Variants in MLIP observed in about 807,000 individuals in gnomAD.
MLIP encodes muscular LMNA-interacting protein.
Under a neutral mutation model 84.8 loss-of-function variants are expected in MLIP, and 79 were observed. The ratio of observed to expected loss-of-function variants is 0.93; its 90% CI spans 0.78 to 1.12. The LOEUF (loss-of-function observed/expected upper bound fraction) is 1.12. MLIP is among the 50% of genes most tolerant of loss of function. The pLI, the probability that MLIP is intolerant of heterozygous loss-of-function variation, is 0.00. For synonymous variants in MLIP, 504 were observed against 463.0 expected, an observed-to-expected ratio of 1.09 and a Z score of -1.14; for missense variants, 1,257 against 1,160.6, an observed-to-expected ratio of 1.08 and a Z score of -1.21.
intron 4 of MLIP, among the ~76,000 whole-genome samples, chr6:54,140,220 A>G (rs1332631913): frequency 6.6e-6 from 1 of 152,106 alleles, no homozygotes; most frequent in African/African-American, 2.4e-5. Flanking sequence ...AAGCTTTTTC[A>G]AAGCATTTCT....
intron 13 of MLIP, among the ~76,000 whole-genome samples, chr6:54,261,241 C>T (rs925597531): frequency 3.3e-5 from 5 of 152,064 alleles, no homozygotes; most frequent in South Asian, 4.1e-4. Flanking sequence ...AACTACTTCT[C>T]CTTCTGCAGA....
At chr6:54,123,216 T>C (rs1022704559) in intron 2 of MLIP, among the ~76,000 whole-genome samples, 78 of 152,282 alleles carry the variant, frequency 5.1e-4, no homozygotes, top group African/African-American at 1.8e-3. Flanking sequence ...ATTACAGGCT[T>C]GAGCCACCGC....
intron 1 of MLIP, among the ~76,000 whole-genome samples, chr6:54,033,156 T>C (rs1256793016): frequency 6.6e-6 from 1 of 152,096 alleles, no homozygotes; most frequent in Non-Finnish European, 1.5e-5. Context: ...ATGATATAGA[T>C]AATAGGCAGA....
At chr6:54,215,216 C>G (rs1249612127) in intron 11 of MLIP, 2 of 1,533,130 alleles carry the variant, frequency 1.3e-6, no homozygotes, top group Non-Finnish European at 1.7e-6. Flanking sequence ...TTGAGGAACC[C>G]TATCCTTGTG....
chr6:54,211,689 T>A (rs1398383270), intron 11 of MLIP, among the ~76,000 whole-genome samples: 3 of 152,148 alleles, frequency 2.0e-5, no homozygotes, highest in Non-Finnish European at 4.4e-5. Flanking sequence ...ACTGAGAAAG[T>A]GGGATGCTAC....
intron 1 of MLIP, chr6:54,028,914 G>C (rs1398562900): frequency 6.6e-6 from 1 of 152,160 alleles, no homozygotes; most frequent in Non-Finnish European, 1.5e-5. Context: ...TCATCTGGCT[G>C]TCTACCTCTA....
At chr6:54,091,779 TTTTAA>T (rs1417665472) in intron 1 of MLIP, among the ~76,000 whole-genome samples, 5 of 152,206 alleles carry the variant, frequency 3.3e-5, no homozygotes, top group Non-Finnish European at 7.3e-5. Context: ...TATAGATCTC[TTTTAA>T]TTATACCAAC....
chr6:54,189,652 G>A (rs1777724816), intron 9 of MLIP, among the ~76,000 whole-genome samples: 1 of 152,020 alleles, frequency 6.6e-6, no homozygotes, highest in South Asian at 2.1e-4. Context: ...CTATTATGTA[G>A]GCTGAATAAA....
intron 5 of MLIP, among the ~76,000 whole-genome samples, chr6:54,158,907 C>T (rs533607001): frequency 4.6e-5 from 7 of 151,980 alleles, no homozygotes; most frequent in African/African-American, 1.2e-4. Flanking sequence ...ATGACAACCC[C>T]GCTTTTTAAT....
At chr6:54,040,695 C>T (rs1764693851) in intron 1 of MLIP, among the ~76,000 whole-genome samples, 2 of 151,792 alleles carry the variant, frequency 1.3e-5, no homozygotes, top group South Asian at 4.1e-4. Context: ...TTAGAGAGAG[C>T]AAATGTAGTA....
At chr6:54,252,400 A>G (rs1483662079) in intron 12 of MLIP, among the ~76,000 whole-genome samples, 1 of 103,080 alleles carries the variant, frequency 9.7e-6, no homozygotes, top group African/African-American at 4.7e-5. Context: ...CATATAATAT[A>G]TAATATAACT....
In MLIP at chr6:54,242,973, ATC is replaced by A. The variant is rs139898634; in HGVS notation, c.2922+12058_2922+12059del. ...TTCATTTCCTAAAGATGTATTGAAT[ATC>A]TGTTAGGTGCAAAGCACTGTGTTTG... On this transcript the variant is annotated intron_variant, in intron 12 of 13. Coordinates refer to ENST00000502396, the MANE Select transcript of MLIP (RefSeq NM_001281747.2). Among the ~76,000 whole-genome samples, 168 of 152,344 alleles carry A rather than the reference ATC, an allele frequency of 1.1e-3. 2 individuals are homozygous for A. In the East Asian group the frequency reaches 0.026, roughly 23 times the overall value.
At position 54,134,969 on chromosome 6, in the gene MLIP, G is replaced by T. The variant is rs532295348; in HGVS notation, c.646-1746G>T. Among the ~76,000 whole-genome samples, 3 of 151,126 alleles carry T rather than the reference G, an allele frequency of 2.0e-5. No individual in the cohort carries two copies. The South Asian group carries it at 6.4e-4, about 32-fold the overall frequency. ...TCAATCATAGGAAACAATTAGAGAA[G>T]ACTTTTCTTTGTGGTAAAAAAAAAA... On this transcript the variant is annotated intron_variant, in intron 3 of 13. Transcript: ENST00000502396.
chr6:54,264,259 T>C (rs930891819), intron 13 of MLIP, among the ~76,000 whole-genome samples: 26 of 152,108 alleles, frequency 1.7e-4, no homozygotes, highest in African/African-American at 6.3e-4. Flanking sequence ...CAATATTTTA[T>C]TTAATGTTAT....
chr6:54,243,846 C>T lies in MLIP; in HGVS notation c.2922+12929C>T, dbSNP rs571500132. Among the ~76,000 whole-genome samples the T allele has an allele frequency of 1.1e-4, 17 of 152,256 alleles. No individual in the cohort carries two copies. In the South Asian group the frequency reaches 3.5e-3, roughly 32 times the overall value. ...CTAATTGCTGAGGCCATCTGACTTC[C>T]TTCAGTCTACAGATAAGAAAACTGA... On this transcript the variant is annotated intron_variant, in intron 12 of 13. Transcript: ENST00000502396.
upstream of MLIP, among the ~76,000 whole-genome samples, chr6:54,109,615 C>G (rs923328775): frequency 6.6e-6 from 1 of 152,022 alleles, no homozygotes; most frequent in African/African-American, 2.4e-5. Context: ...TCCCTTTCCC[C>G]GTTCTTCTAA....
At chr6:54,112,943 T>C (rs1769592743) in intron 1 of MLIP, among the ~76,000 whole-genome samples, 1 of 152,216 alleles carries the variant, frequency 6.6e-6, no homozygotes, top group Non-Finnish European at 1.5e-5. Flanking sequence ...GCATGTGACA[T>C]ACCAGTTGTG....
intron 5 of MLIP, among the ~76,000 whole-genome samples, chr6:54,156,651 T>C (rs1038049756): frequency 6.6e-6 from 1 of 152,116 alleles, no homozygotes. Context: ...CTCTAGAGCA[T>C]TTTACCAGGG....
intron 1 of MLIP, among the ~76,000 whole-genome samples, chr6:54,081,045 C>A (rs778036468): frequency 2.0e-5 from 3 of 152,228 alleles, no homozygotes; most frequent in African/African-American, 4.8e-5. Flanking sequence ...AAGTGCCCTT[C>A]AAGACTCAAG....
Sources: allele counts gnomAD v4.1 joint callset (sites outside exome capture counted in the v4.1 genomes callset), GRCh38; gene constraint gnomAD v4.1.1; transcripts MANE v1.5; gene names NCBI Gene and HGNC (gene_info 2026-07-23, HGNC 2026-07-21).